Variants in CADM2 observed in about 807,000 individuals in gnomAD.
CADM2 encodes cell adhesion molecule 2.
Under a neutral mutation model 49.8 loss-of-function variants are expected in CADM2, and 12 were observed. That is an observed-to-expected ratio of 0.24 (90% confidence interval 0.15 to 0.39). CADM2 has a LOEUF of 0.39. CADM2 is among the 10% of genes least tolerant of loss of function. CADM2 has a pLI of 1.00. For missense variants in CADM2, 378 were observed against 492.3 expected (o/e 0.77, Z 2.20); for synonymous variants, 214 against 175.4 (o/e 1.22, Z -1.74).
chr3:85,400,473 T>C (rs1021353770), intron 1 of CADM2, among the ~76,000 whole-genome samples: 13 of 152,288 alleles, frequency 8.5e-5, no homozygotes, highest in Non-Finnish European at 1.3e-4. Context: ...TAAAATGAGT[T>C]AGGGAGCATT....
chr3:85,713,719 A>T (rs1252807575), intron 1 of CADM2, among the ~76,000 whole-genome samples: 2 of 152,190 alleles, frequency 1.3e-5, no homozygotes, highest in East Asian at 3.9e-4. Flanking sequence ...ACATCTAAAG[A>T]ATTTAAATAT....
Position 85,886,231 on chromosome 3 carries a change from G to C in CADM2, c.433G>C (p.Val145Leu). The change falls in exon 5 of 10, where the codon GTT becomes CTT. Residue 145 changes from valine (V) to leucine (L), a missense_variant. Physicochemically the swap from Val to Leu is conservative, Grantham distance 32. Transcript: ENST00000383699. Reference sequence around the variant, plus strand: ...TCAGATTAGTGGATTCTCATCACCAGTTATGGAGGGTGACTTGATGCAGCT... The same window carrying C: ...TCAGATTAGTGGATTCTCATCACCACTTATGGAGGGTGACTTGATGCAGCT... Reference protein sequence around the residue: ...KPQISGFSSPVMEGDLMQLTC... With the variant: ...KPQISGFSSPLMEGDLMQLTC... 1 of 1,613,920 alleles carries C rather than the reference G, an allele frequency of 6.2e-7. No homozygotes were observed. The highest frequency in any genetic ancestry group is 1.3e-5 in the African/African-American group (1 of 75,018).
rs1438758605 is a variant in CADM2 at position 85,008,559 on chromosome 3, G to C, written c.61+48891G>C. Among the ~76,000 whole-genome samples, 5 of 151,760 alleles carry C rather than the reference G, an allele frequency of 3.3e-5. No homozygotes were observed. The South Asian group carries it at 1.0e-3, about 32-fold the overall frequency. ...TTCTACTTTTTATTTTAAAAGTGAG[G>C]GAAAAAATATAGGGAAGTAGGAACG... is the stretch of plus-strand genomic sequence containing the variant. On this transcript the variant is annotated intron_variant, in intron 1 of 9. Transcript: ENST00000383699.
chr3:86,011,939 A>G (rs556402632), intron 8 of CADM2, among the ~76,000 whole-genome samples: 103 of 137,708 alleles, frequency 7.5e-4, no homozygotes, highest in African/African-American at 3.0e-3. Flanking sequence ...ATTCAAGTAT[A>G]CAATTAAGTA....
chr3:85,763,235 A>T (rs939449882), intron 2 of CADM2, among the ~76,000 whole-genome samples: 121 of 152,290 alleles, frequency 7.9e-4, no homozygotes, highest in African/African-American at 2.7e-3. Context: ...AAAAGAAACT[A>T]CTGGGCAGGA....
intron 1 of CADM2, among the ~76,000 whole-genome samples, chr3:85,262,784 G>A (rs991408651): frequency 4.0e-5 from 6 of 150,758 alleles, no homozygotes; most frequent in Non-Finnish European, 5.9e-5. Context: ...TTGAGTTGCC[G>A]CATCTATTAT....
chr3:85,442,688 A>T (rs2037268289), intron 1 of CADM2, among the ~76,000 whole-genome samples: 1 of 147,084 alleles, frequency 6.8e-6, no homozygotes, highest in African/African-American at 2.6e-5. Context: ...TTGAAGATTT[A>T]TTTTTGTTTT....
At chr3:85,512,869 T>C (rs1576689962) in intron 1 of CADM2, among the ~76,000 whole-genome samples, 1 of 152,010 alleles carries the variant, frequency 6.6e-6, no homozygotes, top group Non-Finnish European at 1.5e-5. Flanking sequence ...AATGAATCAA[T>C]CATTTCCCTA....
At chr3:85,734,915 A>G (rs1026548998) in intron 2 of CADM2, among the ~76,000 whole-genome samples, 1 of 151,482 alleles carries the variant, frequency 6.6e-6, no homozygotes, top group Non-Finnish European at 1.5e-5. Context: ...AGATATAGTA[A>G]AAGAGCATTT....
chr3:85,203,715 C>T (rs1019576609), intron 1 of CADM2, among the ~76,000 whole-genome samples: 2 of 152,162 alleles, frequency 1.3e-5, no homozygotes, highest in African/African-American at 4.8e-5. Context: ...CAGAGTAAAG[C>T]AAAGTGCAGT....
intron 8 of CADM2, among the ~76,000 whole-genome samples, chr3:86,010,262 G>A (rs537036387): frequency 6.6e-6 from 1 of 151,854 alleles, no homozygotes; most frequent in South Asian, 2.1e-4. Flanking sequence ...AGATCTGATA[G>A]ATGTACATAC....
At chr3:85,001,969 C>T (rs926650918) in intron 1 of CADM2, among the ~76,000 whole-genome samples, 9 of 152,060 alleles carry the variant, frequency 5.9e-5, no homozygotes, top group Admixed American at 5.9e-4. Context: ...TTTGCTGGTA[C>T]TCTAGCCAAG....
chr3:85,309,346 T>G (rs549430208), intron 1 of CADM2, among the ~76,000 whole-genome samples: 22 of 152,300 alleles, frequency 1.4e-4, no homozygotes, highest in African/African-American at 4.3e-4. Context: ...GTAGTGCCAC[T>G]GGGATCCGGA....
intron 1 of CADM2, among the ~76,000 whole-genome samples, chr3:85,235,577 GAT>G (rs534683941): frequency 3.4e-4 from 51 of 152,082 alleles, no homozygotes; most frequent in Admixed American, 1.8e-3. Context: ...AATTTACAAA[GAT>G]ATGTATAGAC....
rs945648925 is a variant in CADM2 at position 85,570,022 on chromosome 3, A to G, written c.62-156500A>G. Reference sequence around the variant, plus strand: ...CTCATTTTATATGATTCAAACATGTATCTGTTCTTCAGAGCACAGCTCCAT... The same window carrying G: ...CTCATTTTATATGATTCAAACATGTGTCTGTTCTTCAGAGCACAGCTCCAT... On this transcript the variant is annotated intron_variant, in intron 1 of 9. Coordinates refer to ENST00000383699, the MANE Select transcript of CADM2 (RefSeq NM_001167675.2). Among the ~76,000 whole-genome samples, 9 of 152,296 alleles carry G rather than the reference A, an allele frequency of 5.9e-5. No homozygotes were observed. In the Middle Eastern group the frequency reaches 0.014, roughly 230 times the overall value.
Position 86,017,521 on chromosome 3 carries a change from G to A in CADM2, c.971-48084G>A, listed in dbSNP as rs141222423. On this transcript the variant is annotated intron_variant, in intron 8 of 9. Coordinates refer to ENST00000383699, the MANE Select transcript of CADM2 (RefSeq NM_001167675.2). ...CAAGACCCGCAGATCGCTTGAGCCA[G>A]GAGTTGGAGAGCAGACTGGGAAACT... Among the ~76,000 whole-genome samples, 459 of 152,146 alleles carry A rather than the reference G, an allele frequency of 3.0e-3. 2 individuals are homozygous for A. The highest frequency in any genetic ancestry group is 9.9e-3 in the African/African-American group (412 of 41,542).
chr3:85,347,107 G>A (rs1166422719), intron 1 of CADM2, among the ~76,000 whole-genome samples: 1 of 150,658 alleles, frequency 6.6e-6, no homozygotes, highest in Non-Finnish European at 1.5e-5. Context: ...CCTGTGATCC[G>A]AGCTACTCTG....
intron 1 of CADM2, among the ~76,000 whole-genome samples, chr3:85,569,036 A>G (rs114016050): frequency 5.8e-4 from 88 of 152,272 alleles, no homozygotes; most frequent in African/African-American, 2.0e-3. Flanking sequence ...CTGTGCTACA[A>G]TATCACAACT....
At chr3:85,553,861 G>C (rs147745343) in intron 1 of CADM2, among the ~76,000 whole-genome samples, 1 of 152,308 alleles carries the variant, frequency 6.6e-6, no homozygotes, top group African/African-American at 2.4e-5. Flanking sequence ...ACCTTGTCTT[G>C]AACAGGTGCA....
Sources: gnomAD v4.1 joint callset for allele counts (sites outside exome capture counted in the v4.1 genomes callset) on GRCh38, gnomAD v4.1.1 for gene constraint, MANE v1.5 for transcripts, NCBI Gene and HGNC (gene_info 2026-07-23, HGNC 2026-07-21) for gene names.